Variants in PUM1 observed in about 807,000 individuals in gnomAD.
The protein encoded by PUM1 is pumilio RNA binding family member 1, also known as pumilio homolog 1.
In PUM1, 13 loss-of-function variants were observed where a neutral mutation model predicts 131.8. The observed-to-expected ratio is 0.10, with a 90% CI of 0.06 to 0.16. The LOEUF (loss-of-function observed/expected upper bound fraction) is 0.16, where lower values mean the gene tolerates loss of function less well. Ranked by LOEUF, PUM1 falls within the 10% of genes least tolerant of loss-of-function variation. PUM1 has a pLI of 1.00. For synonymous variants in PUM1, 509 were observed against 556.5 expected, an observed-to-expected ratio of 0.91 and a Z score of 1.20; for missense variants, 961 against 1,512.4, an observed-to-expected ratio of 0.64 and a Z score of 6.05.
chr1:31,016,176 A>G (rs1005142516), intron 3 of PUM1, among the ~76,000 whole-genome samples: 1 of 152,240 alleles, frequency 6.6e-6, no homozygotes, highest in African/African-American at 2.4e-5. Flanking sequence ...GGATCATTTC[A>G]GATTTCACGT....
At chr1:31,048,267 TA>T (rs1007857573) in intron 2 of PUM1, among the ~76,000 whole-genome samples, 30 of 150,412 alleles carry the variant, frequency 2.0e-4, no homozygotes, top group African/African-American at 6.8e-4. Flanking sequence ...AAATAAAAAA[TA>T]AAAAAAAGAA....
intron 18 of PUM1, among the ~76,000 whole-genome samples, chr1:30,943,263 A>ATTTTTTTTTTTTTTTTTTTT (rs1055866746): frequency 6.8e-6 from 1 of 146,460 alleles, no homozygotes; most frequent in Non-Finnish European, 1.5e-5. Context: ...TATACAAAGA[A>ATTTTTTTTTTTTTTTTTTTT]TTTTTTTTTT....
chr1:31,035,698 C>T (rs1039882636), intron 2 of PUM1, among the ~76,000 whole-genome samples: 23 of 151,960 alleles, frequency 1.5e-4, no homozygotes, highest in African/African-American at 5.6e-4. Flanking sequence ...TTGCAGTGAA[C>T]CGAGATAGCG....
At chr1:30,961,525 A>G (rs1640406978) in intron 14 of PUM1, among the ~76,000 whole-genome samples, 2 of 152,070 alleles carry the variant, frequency 1.3e-5, no homozygotes, top group Admixed American at 6.6e-5. Flanking sequence ...CCCTGTCCCA[A>G]ACAATAAAAA....
Position 30,992,396 on chromosome 1 carries a change from T to C in PUM1, c.1152A>G (p.Gln384=). 2.5e-6 allele frequency: 4 copies of C among 1,613,766 alleles called. No individual in the cohort carries two copies. The highest frequency in any genetic ancestry group is 2.5e-6 in the Non-Finnish European group (3 of 1,179,896). ...ACAGAGACACACACAGTACCTGTTGTTGAGAATTGTAGTCAAAAAGTCCCA... is the reference window on the plus strand; with the variant it reads ...ACAGAGACACACACAGTACCTGTTGCTGAGAATTGTAGTCAAAAAGTCCCA... The part of the protein sequence containing the change: ...ATVGLFDYNS[Q]QQLFQRPNAL... The change falls in exon 7 of 22, where the codon CAA becomes CAG. Residue 384 remains glutamine (Q), a synonymous_variant. Transcript: ENST00000426105.
At chr1:31,057,261 G>A (rs1644261731) in intron 2 of PUM1, among the ~76,000 whole-genome samples, 3 of 151,842 alleles carry the variant, frequency 2.0e-5, no homozygotes, top group South Asian at 2.1e-4. Flanking sequence ...AAAGTAGCCG[G>A]GTGTAGTGTT....
rs1375442574 is a variant in PUM1 at position 30,945,393 on chromosome 1, C to A, written c.2947G>T (p.Val983Leu). 1.9e-6 allele frequency: 3 copies of A among 1,614,084 alleles called. No homozygotes were observed. Among genetic ancestry groups the A allele is most frequent in the Non-Finnish European group, 2.5e-6 (3 of 1,180,046 alleles). The change falls in exon 18 of 22, where the codon GTA becomes TTA. Residue 983 changes from valine (V) to leucine (L), a missense_variant. This residue lies in a region of PUM1 where 178 missense variants were observed against 327.5 expected (regional missense o/e 0.54). Coordinates refer to ENST00000426105, the MANE Select transcript of PUM1 (RefSeq NM_001020658.2). ...NHVVQKCIEC[V>L]QPQSLQFIID... is the part of the protein sequence containing the mutation. ...ATAAATTGCAAAGACTGGGGCTGTA[C>A]ACATTCAATGCATTTCTGAACCACG... is the stretch of plus-strand genomic sequence containing the variant.
chr1:31,038,979 TA>T (rs1557599243), intron 2 of PUM1, among the ~76,000 whole-genome samples: 11 of 40,378 alleles, frequency 2.7e-4, no homozygotes, highest in African/African-American at 9.8e-4. Flanking sequence ...TATATATATA[TA>T]TATATTTTTT....
chr1:31,023,105 T>C (rs937190405), intron 3 of PUM1, among the ~76,000 whole-genome samples: 3 of 151,694 alleles, frequency 2.0e-5, no homozygotes, highest in Non-Finnish European at 4.4e-5. Context: ...ACCCAGGAGG[T>C]TGAGGTTGCA....
intron 21 of PUM1, among the ~76,000 whole-genome samples, 177 bp from the exon 22 acceptor site, chr1:30,933,519 GTC>G (rs1398930007): frequency 6.8e-6 from 1 of 146,672 alleles, no homozygotes; most frequent in Non-Finnish European, 1.5e-5. Flanking sequence ...GCTCAGCCCA[GTC>G]CCCTGACTTC....
At chr1:31,028,931 C>A in intron 2 of PUM1, 67 bp from the exon 3 acceptor site, 1 of 1,233,692 alleles carries the variant, frequency 8.1e-7, no homozygotes, top group East Asian at 2.3e-5. Flanking sequence ...ACACATTACA[C>A]ACAATTGAAA....
rs151257285 is a variant in PUM1 at position 30,952,424 on chromosome 1, T to C, written c.2592-61A>G. 1.5e-4 allele frequency: 234 copies of C among 1,609,174 alleles called. 2 individuals are homozygous for C. In the African/African-American group the frequency reaches 2.7e-3, roughly 19 times the overall value. ...GAAGGAAGACCTGGAGATACATCAG[T>C]GTACCTCGGTTTATAGACTGCATCC... is the stretch of plus-strand genomic sequence containing the variant. On this transcript the variant is annotated intron_variant, in intron 15 of 21. Coordinates refer to ENST00000426105, the MANE Select transcript of PUM1 (RefSeq NM_001020658.2).
At chr1:31,026,257 TAAAAA>T (rs903944103) in intron 3 of PUM1, among the ~76,000 whole-genome samples, 1 of 139,950 alleles carries the variant, frequency 7.1e-6, no homozygotes, top group Admixed American at 7.2e-5. Flanking sequence ...CTCAGTCTCT[TAAAAA>T]AAAAAAAAAG....
At chr1:31,024,278 A>G (rs1643145054) in intron 3 of PUM1, among the ~76,000 whole-genome samples, 1 of 152,208 alleles carries the variant, frequency 6.6e-6, no homozygotes, top group Admixed American at 6.5e-5. Flanking sequence ...CTTTGGATTA[A>G]CAGCTCACCC....
At chr1:30,970,396 GT>G (rs1640828508) in intron 10 of PUM1, among the ~76,000 whole-genome samples, 1 of 152,194 alleles carries the variant, frequency 6.6e-6, no homozygotes, top group African/African-American at 2.4e-5. Context: ...TCAGTAATAA[GT>G]AAGAATTAAC....
chr1:31,012,642 G>T (rs1642666093), intron 3 of PUM1, among the ~76,000 whole-genome samples: 2 of 150,456 alleles, frequency 1.3e-5, no homozygotes, highest in South Asian at 4.2e-4. Context: ...TACAAGCAAT[G>T]TCAGCCACTT....
intron 5 of PUM1, among the ~76,000 whole-genome samples, chr1:30,999,606 C>CCAA (rs1642123395): frequency 1.9e-5 from 1 of 53,980 alleles, no homozygotes; most frequent in East Asian, 6.8e-4. Context: ...GACTCTGTCT[C>CCAA]AAAAAAAAAA....
At position 30,952,488 on chromosome 1, in the gene PUM1, G is replaced by A. The variant is rs535719722; in HGVS notation, c.2592-125C>T. On this transcript the variant is annotated intron_variant, in intron 15 of 21. Transcript: ENST00000426105. The stretch of plus-strand genomic sequence containing the variant: ...TGAGTGAGCATGTGTGCACACACAT[G>A]CACACAATAAACCAAACTTTATTTG... The A allele has an allele frequency of 7.7e-6, 11 of 1,433,514 alleles. No individual in the cohort carries two copies. In the South Asian group the frequency reaches 1.5e-4, roughly 19 times the overall value. 88.8% of individuals were successfully genotyped at this position (1,433,514 alleles called of 1,614,324 possible).
At chr1:31,023,384 C>T (rs16834188) in intron 3 of PUM1, among the ~76,000 whole-genome samples, 3,395 of 152,206 alleles carry the variant, frequency 0.022, 86 homozygotes, top group African/African-American at 0.064. Context: ...TTGCAAAGAA[C>T]TGCCAGTGTT....
Sources: allele counts gnomAD v4.1 joint callset (sites outside exome capture counted in the v4.1 genomes callset), GRCh38; gene constraint gnomAD v4.1.1; regional missense constraint gnomAD v4.1.1; transcripts MANE v1.5; gene names NCBI Gene and HGNC (gene_info 2026-07-23, HGNC 2026-07-21).